The following HLCS variants were observed in gnomAD, a reference collection of about 807,000 sequenced individuals.
HLCS encodes biotin--protein ligase.
In HLCS, 53 loss-of-function variants were observed where a neutral mutation model predicts 75.0. That is an observed-to-expected ratio of 0.71 (90% CI 0.57 to 0.89). HLCS has a LOEUF of 0.89. Ranked by LOEUF, HLCS falls within the 40% of genes least tolerant of loss-of-function variation. The pLI is 0.00. For synonymous variants in HLCS, 431 were observed against 428.6 expected (o/e 1.01, Z -0.07); for missense variants, 966 against 1,074.0 (o/e 0.90, Z 1.41).
At chr21:36,988,689 T>C (rs2098882995) in intron 1 of HLCS, among the ~76,000 whole-genome samples, 1 of 152,220 alleles carries the variant, frequency 6.6e-6, no homozygotes, top group Non-Finnish European at 1.5e-5. Context: ...TATGAGAGCA[T>C]CTGTTACCCC....
rs56071863 is a variant in HLCS, at chr21:36,756,450, CAAAAAAAAAAAAAAAAA to C, written c.2450+75_2450+91del. The C allele has an allele frequency of 2.2e-5, 8 of 369,612 alleles. No homozygotes were observed. The East Asian group carries it at 4.8e-4, about 22-fold the overall frequency. The allele number at this position is 369,612 out of a possible 1,614,324, so 22.9% of individuals were successfully genotyped here. A position where few individuals can be genotyped will look rare whatever the true frequency, so the allele number is the denominator to read the frequency against. On this transcript the variant is annotated intron_variant, in intron 10 of 10. Transcript: ENST00000674895. ...TGGGCGACAGAGTGAGACTCCGTCT[CAAAAAAAAAAAAAAAAA>C]AAAAAAAAAAAGATACAGAACTACT...
chr21:36,808,816 C>T (rs916693152), intron 6 of HLCS, among the ~76,000 whole-genome samples: 19 of 152,208 alleles, frequency 1.2e-4, no homozygotes, highest in African/African-American at 4.6e-4. Flanking sequence ...GTTCCTGCAG[C>T]ATTTCTTACA....
At chr21:36,811,796 T>C (rs1296133366) in intron 6 of HLCS, among the ~76,000 whole-genome samples, 1 of 152,204 alleles carries the variant, frequency 6.6e-6, no homozygotes, top group Non-Finnish European at 1.5e-5. Flanking sequence ...TCACCTGCTA[T>C]TGAACACGAT....
rs2066942504 is a variant in HLCS at position 36,937,348 on chromosome 21, C to A, written c.538G>T (p.Val180Phe). The change falls in exon 4 of 11, where the codon GTC (valine) becomes TTC (phenylalanine). Residue 180 changes from valine to phenylalanine, a missense_variant. Physicochemically the swap from Val to Phe is conservative, Grantham distance 50. Coordinates refer to ENST00000674895, the MANE Select transcript of HLCS (RefSeq NM_001352514.2). ...DSTLKEVKDQ[V>F]SNKQAQILEP... ...AGGATCTGGGCTTGCTTGTTTGAGA[C>A]CTGATCCTTAACTTCCTTCAGAGTG... 6.2e-7 allele frequency: 1 copy of A among 1,614,004 alleles called. No homozygotes were observed. Among genetic ancestry groups the A allele is most frequent in the Non-Finnish European group, 8.5e-7 (1 of 1,180,024 alleles).
At chr21:36,990,094 C>G (rs1049505004) in intron 1 of HLCS, 1 of 152,646 alleles carries the variant, frequency 6.6e-6, no homozygotes, top group African/African-American at 2.4e-5. Context: ...CTGACCCTCG[C>G]CCGGCCCCAG....
At chr21:36,787,541 T>C (rs977446484) in intron 6 of HLCS, among the ~76,000 whole-genome samples, 3 of 152,230 alleles carry the variant, frequency 2.0e-5, no homozygotes, top group Non-Finnish European at 4.4e-5. Context: ...AGGAGAGTTC[T>C]GTGGCATTTA....
intron 2 of HLCS, among the ~76,000 whole-genome samples, chr21:36,939,382 C>T (rs983851761): frequency 2.0e-5 from 3 of 152,086 alleles, no homozygotes; most frequent in African/African-American, 2.4e-5. Flanking sequence ...CCTGTGGACC[C>T]GCTTTTCTCA....
rs144387290 is a variant in HLCS, at chr21:36,830,548, CAG to C, written c.1893-63265_1893-63264del. 4.4e-3 allele frequency among the ~76,000 whole-genome samples: 663 copies of C among 152,142 alleles called. 7 individuals carry two copies. The highest frequency in any genetic ancestry group is 0.016 in the African/African-American group (648 of 41,488). On this transcript the variant is annotated intron_variant, in intron 6 of 10. Transcript: ENST00000674895. Reference sequence around the variant, plus strand: ...GGTTTCACTTTAGTAAAAGTGGAGACAGGGGCCAGGTGCGGTGGTTCATGCCT... The same window carrying C: ...GGTTTCACTTTAGTAAAAGTGGAGACGGGCCAGGTGCGGTGGTTCATGCCT...
At chr21:36,876,869 C>T (rs943429826) in intron 6 of HLCS, among the ~76,000 whole-genome samples, 8 of 152,166 alleles carry the variant, frequency 5.3e-5, no homozygotes, top group East Asian at 1.9e-4. Flanking sequence ...CCAACTATGA[C>T]GGTGGACTTC....
intron 6 of HLCS, among the ~76,000 whole-genome samples, chr21:36,786,151 C>T (rs1306946366): frequency 6.6e-6 from 1 of 152,188 alleles, no homozygotes; most frequent in Admixed American, 6.5e-5. Flanking sequence ...CTTCATCTTG[C>T]CTCTTCCTGC....
At chr21:36,859,554 G>A (rs2063314912) in intron 6 of HLCS, among the ~76,000 whole-genome samples, 1 of 152,224 alleles carries the variant, frequency 6.6e-6, no homozygotes, top group Admixed American at 6.5e-5. Context: ...TAAGTGGACT[G>A]AGTTTTGCAG....
intron 2 of HLCS, among the ~76,000 whole-genome samples, chr21:36,939,893 A>T (rs1308706144): frequency 6.6e-6 from 1 of 152,158 alleles, no homozygotes; most frequent in Admixed American, 6.5e-5. Flanking sequence ...TACTAAAAAT[A>T]CAAAAATTAG....
intron 6 of HLCS, among the ~76,000 whole-genome samples, chr21:36,845,094 A>C (rs914711261): frequency 1.3e-5 from 2 of 152,084 alleles, no homozygotes; most frequent in African/African-American, 2.4e-5. Context: ...TAAACCCAGG[A>C]AATGGGTTTA....
chr21:36,939,186 AC>A (rs1415533026), intron 2 of HLCS, among the ~76,000 whole-genome samples, 192 bp from the exon 3 acceptor site: 3 of 152,242 alleles, frequency 2.0e-5, no homozygotes, highest in Non-Finnish European at 2.9e-5. Flanking sequence ...TCTCTACCTG[AC>A]AACAGTGCTT....
rs187790361 is a variant in HLCS, at chr21:36,831,281, G to A, written c.1893-63996C>T. On this transcript the variant is annotated intron_variant, in intron 6 of 10. Coordinates refer to ENST00000674895, the MANE Select transcript of HLCS (RefSeq NM_001352514.2). The stretch of plus-strand genomic sequence containing the variant: ...AAGGACATGACAAGTTATGCAAAAC[G>A]TTTCTTTAAAGCTCTCTTGAAAGTG... 2.5e-3 allele frequency among the ~76,000 whole-genome samples: 374 copies of A among 152,230 alleles called. 1 individual carries two copies. Among genetic ancestry groups the A allele is most frequent in the African/African-American group, 8.4e-3 (350 of 41,538 alleles).
In HLCS at chr21:36,881,330, C is replaced by T. The variant is rs2064204615; in HGVS notation, c.1892+15530G>A. Among the ~76,000 whole-genome samples, 4 of 152,276 alleles carry T rather than the reference C, an allele frequency of 2.6e-5. No individual in the cohort carries two copies. In the South Asian group the frequency reaches 8.3e-4, roughly 32 times the overall value. On this transcript the variant is annotated intron_variant, in intron 6 of 10. Transcript: ENST00000674895. ...GTAATTGGAGACATCTGAACACCCA[C>T]CCGGATCATCACCCCCACTCCCACC...
intron 6 of HLCS, among the ~76,000 whole-genome samples, chr21:36,773,818 C>T (rs1330978742): frequency 6.6e-6 from 1 of 152,188 alleles, no homozygotes; most frequent in African/African-American, 2.4e-5. Context: ...CATAACCCTG[C>T]TGCCCTCTGC....
intron 10 of HLCS, among the ~76,000 whole-genome samples, 188 bp from the exon 11 acceptor site, chr21:36,754,605 G>T (rs2089488320): frequency 6.6e-6 from 1 of 152,188 alleles, no homozygotes; most frequent in African/African-American, 2.4e-5. Flanking sequence ...TTTAAGAACT[G>T]CTCAAATAAC....
At chr21:36,893,807 G>A (rs750495889) in intron 6 of HLCS, among the ~76,000 whole-genome samples, 7 of 152,100 alleles carry the variant, frequency 4.6e-5, no homozygotes, top group East Asian at 3.9e-4. Flanking sequence ...ACCACAGCCC[G>A]GGGGTCGGGG....
Sources: gnomAD v4.1 joint callset for allele counts (sites outside exome capture counted in the v4.1 genomes callset) on GRCh38, gnomAD v4.1.1 for gene constraint, MANE v1.5 for transcripts, NCBI Gene and HGNC (gene_info 2026-07-23, HGNC 2026-07-21) for gene names.